Variants in NPAS3 observed in about 807,000 individuals in gnomAD.
The protein encoded by NPAS3 is neuronal PAS domain-containing protein 3.
A neutral mutation model predicts 73.1 loss-of-function variants in NPAS3; 14 were observed. The observed-to-expected ratio is 0.19, with a 90% CI of 0.13 to 0.30. The LOEUF is 0.30. Among genes scored for constraint, NPAS3 ranks in the 10% least tolerant of loss-of-function variants. The probability of loss-of-function intolerance (pLI) is 1.00; values close to 1 mark genes in which losing one functional copy is unlikely to be tolerated. For synonymous variants in NPAS3, 620 were observed against 541.5 expected, an observed-to-expected ratio of 1.14 and a Z score of -2.01; for missense variants, 1,096 against 1,250.0, an observed-to-expected ratio of 0.88 and a Z score of 1.86.
intron 5 of NPAS3, among the ~76,000 whole-genome samples, chr14:33,638,416 T>C (rs1053811972): frequency 6.6e-6 from 1 of 152,218 alleles, no homozygotes; most frequent in African/African-American, 2.4e-5. Context: ...GTTCTTCTAC[T>C]TACTATCTAC....
intron 4 of NPAS3, among the ~76,000 whole-genome samples, chr14:33,538,659 A>C (rs1420027598): frequency 5.3e-5 from 8 of 152,238 alleles, no homozygotes; most frequent in Non-Finnish European, 1.2e-4. Flanking sequence ...GTATTTGGAA[A>C]AGATAGGGTA....
At chr14:33,801,026 G>C in exon 12 of NPAS3, 1 of 1,591,194 alleles carries the variant, frequency 6.3e-7, no homozygotes, top group Non-Finnish European at 8.6e-7. Context: ...CACCACGGCC[G>C]AGGGACTCTT....
intron 3 of NPAS3, among the ~76,000 whole-genome samples, chr14:33,319,989 C>T (rs182802079): frequency 6.6e-6 from 1 of 152,088 alleles, no homozygotes; most frequent in African/African-American, 2.4e-5. Context: ...GGAAGTATAA[C>T]TAAAGAAGGG....
intron 7 of NPAS3, among the ~76,000 whole-genome samples, chr14:33,742,049 G>C (rs377191099): frequency 6.6e-6 from 1 of 152,082 alleles, no homozygotes; most frequent in South Asian, 2.1e-4. Context: ...TAATGCCTCT[G>C]TAAATACCTT....
intron 3 of NPAS3, among the ~76,000 whole-genome samples, chr14:33,302,736 G>A (rs888766598): frequency 2.6e-5 from 4 of 152,182 alleles, no homozygotes; most frequent in African/African-American, 9.7e-5. Flanking sequence ...GAGGATGTTA[G>A]TTCCTACACA....
intron 1 of NPAS3, among the ~76,000 whole-genome samples, chr14:33,007,975 A>G (rs1275355032): frequency 6.6e-6 from 1 of 152,238 alleles, no homozygotes; most frequent in Non-Finnish European, 1.5e-5. Context: ...ATATTAACTT[A>G]GAGGAAAGCC....
intron 5 of NPAS3, among the ~76,000 whole-genome samples, chr14:33,669,526 G>T (rs1333272877): frequency 6.6e-6 from 1 of 152,124 alleles, no homozygotes; most frequent in Non-Finnish European, 1.5e-5. Flanking sequence ...ACCACTGCTT[G>T]CATAGTATGG....
intron 4 of NPAS3, among the ~76,000 whole-genome samples, chr14:33,505,756 G>C (rs536138389): frequency 6.6e-6 from 1 of 152,032 alleles, no homozygotes; most frequent in South Asian, 2.1e-4. Context: ...AACACCAATA[G>C]GCAGTTGCAT....
At chr14:33,125,072 T>C (rs2043377063) in intron 2 of NPAS3, among the ~76,000 whole-genome samples, 1 of 152,092 alleles carries the variant, frequency 6.6e-6, no homozygotes, top group Non-Finnish European at 1.5e-5. Flanking sequence ...GTGTTCTTTT[T>C]CCCACTAAAA....
chr14:33,699,593 C>A (rs2060475292), intron 6 of NPAS3, among the ~76,000 whole-genome samples: 1 of 152,144 alleles, frequency 6.6e-6, no homozygotes, highest in South Asian at 2.1e-4. Flanking sequence ...GTGAAATGGG[C>A]ACTAATAGAA....
intron 3 of NPAS3, among the ~76,000 whole-genome samples, chr14:33,347,307 A>G (rs886773303): frequency 6.6e-6 from 1 of 152,238 alleles, no homozygotes; most frequent in Admixed American, 6.5e-5. Context: ...AGAACTCACA[A>G]CATCTATTAA....
intron 6 of NPAS3, among the ~76,000 whole-genome samples, chr14:33,681,817 T>C (rs925957564): frequency 3.9e-5 from 6 of 152,092 alleles, no homozygotes; most frequent in Non-Finnish European, 5.9e-5. Flanking sequence ...AAGTGTCAAA[T>C]GATAGAAAGT....
chr14:33,589,447 G>A lies in NPAS3; in HGVS notation c.558+29237G>A, dbSNP rs1012513786. Among the ~76,000 whole-genome samples the A allele has an allele frequency of 4.6e-5, 7 of 152,242 alleles. No homozygotes were observed. The East Asian group carries it at 1.4e-3, about 29-fold the overall frequency. Reference sequence around the variant, plus strand: ...ATTCTAACTGCTGATTTCCATGCTGGTCAAGCAGGATGAGGTTCTATTGTT... The same window carrying A: ...ATTCTAACTGCTGATTTCCATGCTGATCAAGCAGGATGAGGTTCTATTGTT... On this transcript the variant is annotated intron_variant, in intron 5 of 11. Coordinates refer to ENST00000356141, the Ensembl canonical transcript of NPAS3.
At chr14:33,523,655 C>T (rs576106167) in intron 4 of NPAS3, among the ~76,000 whole-genome samples, 1 of 151,522 alleles carries the variant, frequency 6.6e-6, no homozygotes, top group South Asian at 2.1e-4. Flanking sequence ...TGGCAGGCAC[C>T]TGTAATCCCA....
chr14:33,557,626 T>G (rs192800742), intron 4 of NPAS3, among the ~76,000 whole-genome samples: 174 of 152,378 alleles, frequency 1.1e-3, no homozygotes, highest in African/African-American at 3.9e-3. Context: ...AAACTAGGAA[T>G]AGGCTTGTTG....
chr14:33,244,968 T>C (rs1282318674), intron 3 of NPAS3, among the ~76,000 whole-genome samples: 1 of 152,192 alleles, frequency 6.6e-6, no homozygotes, highest in East Asian at 1.9e-4. Flanking sequence ...TGACAACAAA[T>C]ACACATACAA....
chr14:33,100,347 A>C (rs2042546471), intron 2 of NPAS3, among the ~76,000 whole-genome samples: 1 of 152,296 alleles, frequency 6.6e-6, no homozygotes, highest in South Asian at 2.1e-4. Flanking sequence ...TGTCATGATG[A>C]GTTTATTGCT....
At chr14:33,231,260 G>A (rs148625589) in intron 3 of NPAS3, among the ~76,000 whole-genome samples, 1 of 152,252 alleles carries the variant, frequency 6.6e-6, no homozygotes, top group Non-Finnish European at 1.5e-5. Context: ...ATAGCAATTT[G>A]TATTTTGTAA....
intron 4 of NPAS3, among the ~76,000 whole-genome samples, chr14:33,481,343 G>A (rs1487253253): frequency 6.6e-6 from 1 of 152,142 alleles, no homozygotes; most frequent in Non-Finnish European, 1.5e-5. Context: ...AAATCAAGTA[G>A]GAACTGTTAA....
Sources: allele counts gnomAD v4.1 joint callset (sites outside exome capture counted in the v4.1 genomes callset), GRCh38; gene constraint gnomAD v4.1.1; transcripts MANE v1.5; gene names NCBI Gene and HGNC (gene_info 2026-07-23, HGNC 2026-07-21).